Variants in KDM4C observed in about 807,000 individuals in gnomAD.
The protein encoded by KDM4C is lysine-specific demethylase 4C.
Under a neutral mutation model 129.3 loss-of-function variants are expected in KDM4C, and 81 were observed. The ratio of observed to expected loss-of-function variants is 0.63; its 90% CI spans 0.52 to 0.75. KDM4C has a LOEUF of 0.75. KDM4C is among the 30% of genes least tolerant of loss of function. The pLI is 0.00. For missense variants in KDM4C, 1,457 were observed against 1,304.0 expected, an observed-to-expected ratio of 1.12 and a Z score of -1.81; for synonymous variants, 573 against 456.1, an observed-to-expected ratio of 1.26 and a Z score of -3.26.
intron 5 of KDM4C, among the ~76,000 whole-genome samples, chr9:6,859,508 C>G (rs1161553972): frequency 1.5e-5 from 2 of 137,352 alleles, no homozygotes; most frequent in East Asian, 2.3e-4. Context: ...GAAATCGTCT[C>G]TGGTAACACA....
intron 19 of KDM4C, among the ~76,000 whole-genome samples, chr9:7,163,442 C>A (rs1429450696): frequency 6.6e-6 from 1 of 152,054 alleles, no homozygotes; most frequent in Non-Finnish European, 1.5e-5. Flanking sequence ...GTAACTAATC[C>A]TCTTGTAAAA....
At chr9:6,806,230 C>T (rs555858513) in intron 3 of KDM4C, among the ~76,000 whole-genome samples, 8 of 152,252 alleles carry the variant, frequency 5.3e-5, no homozygotes, top group South Asian at 4.1e-4. Flanking sequence ...CATGGTGGCT[C>T]ATGCCTGTAA....
At chr9:6,781,742 A>G (rs1327189787) in intron 1 of KDM4C, among the ~76,000 whole-genome samples, 3 of 152,090 alleles carry the variant, frequency 2.0e-5, no homozygotes, top group Non-Finnish European at 4.4e-5. Flanking sequence ...GGGCAATTCA[A>G]ATTTTTCATT....
At chr9:6,773,542 C>T (rs1006270591) in intron 1 of KDM4C, among the ~76,000 whole-genome samples, 23 of 152,000 alleles carry the variant, frequency 1.5e-4, no homozygotes, top group Non-Finnish European at 3.1e-4. Context: ...GAGGCTGAGA[C>T]GGGCAGATCA....
chr9:7,066,908 A>C, intron 17 of KDM4C, among the ~76,000 whole-genome samples: 1 of 152,336 alleles, frequency 6.6e-6, no homozygotes, highest in South Asian at 2.1e-4. Flanking sequence ...GCAATTCATA[A>C]ATATTTTTTG....
chr9:6,797,092 C>T (rs1466023191), intron 2 of KDM4C, among the ~76,000 whole-genome samples: 4 of 151,820 alleles, frequency 2.6e-5, no homozygotes, highest in African/African-American at 7.3e-5. Flanking sequence ...AAGTAGCCTC[C>T]CAAGTAGCTG....
intron 20 of KDM4C, among the ~76,000 whole-genome samples, chr9:7,167,707 G>A (rs7860846): frequency 0.012 from 1,797 of 152,260 alleles, 39 homozygotes; most frequent in African/African-American, 0.041. Flanking sequence ...TAAGACCGTG[G>A]TGGATGTTCA....
intron 8 of KDM4C, among the ~76,000 whole-genome samples, chr9:6,956,498 T>C (rs1829090707): frequency 6.6e-6 from 1 of 152,218 alleles, no homozygotes; most frequent in Admixed American, 6.5e-5. Flanking sequence ...CTCACCTGTT[T>C]TTCTGAAACT....
In KDM4C at chr9:7,175,143, C is replaced by T. The variant is rs1369229058; in HGVS notation, c.*414C>T. The T allele has an allele frequency of 4.4e-5, 7 of 158,436 alleles. No individual in the cohort carries two copies. Among genetic ancestry groups the T allele is most frequent in the Admixed American group, 1.2e-4 (2 of 16,058 alleles). 9.8% of individuals were successfully genotyped at this position (158,436 alleles called of 1,614,324 possible). ...GCACCTCGGTACCCAGCGGGTAGGGCGATAATTTATATATTTTCCACAGTC... is the reference window on the plus strand; with the variant it reads ...GCACCTCGGTACCCAGCGGGTAGGGTGATAATTTATATATTTTCCACAGTC... On this transcript the variant is annotated 3_prime_UTR_variant, in exon 22 of 22. Coordinates refer to ENST00000381309, the MANE Select transcript of KDM4C (RefSeq NM_015061.6).
chr9:6,995,529 A>C (rs1586786566), intron 12 of KDM4C, among the ~76,000 whole-genome samples: 1 of 152,214 alleles, frequency 6.6e-6, no homozygotes, highest in Non-Finnish European at 1.5e-5. Flanking sequence ...TCAAAGTATC[A>C]TCTTTAGCAC....
chr9:6,801,965 C>T (rs1344769706), intron 2 of KDM4C, among the ~76,000 whole-genome samples: 2 of 151,904 alleles, frequency 1.3e-5, no homozygotes, highest in East Asian at 3.9e-4. Flanking sequence ...ATTATCTGGG[C>T]ATGGTGGCAG....
intron 8 of KDM4C, among the ~76,000 whole-genome samples, chr9:6,966,726 G>GA (rs1420391680): frequency 6.6e-6 from 1 of 151,766 alleles, no homozygotes; most frequent in Admixed American, 6.6e-5. Flanking sequence ...ATCCAGTAGG[G>GA]AAAAAAAGTC....
intron 6 of KDM4C, among the ~76,000 whole-genome samples, chr9:6,886,348 C>T (rs1308854856): frequency 1.1e-4 from 17 of 148,612 alleles, no homozygotes; most frequent in African/African-American, 3.7e-4. Context: ...GAGTCTCTCT[C>T]GTTGCCCAGG....
At chr9:6,747,423 C>T (rs1817918998) in intron 1 of KDM4C, among the ~76,000 whole-genome samples, 1 of 150,910 alleles carries the variant, frequency 6.6e-6, no homozygotes, top group South Asian at 2.1e-4. Flanking sequence ...TGGTGGGCGC[C>T]TGTAGTCCCA....
rs771131153 is a variant in KDM4C at position 7,013,817 on chromosome 9, T to C, written c.1998T>C (p.Ala666=). The change falls in exon 14 of 22, where the codon GCT becomes GCC. Residue 666 remains alanine, a synonymous_variant. Coordinates refer to ENST00000381309, the MANE Select transcript of KDM4C (RefSeq NM_015061.6). The part of the protein sequence containing the change: ...KPDSSNEEND[A]RWETKLDEVV... ...ATAGCAGCAATGAAGAAAATGATGCTAGATGGGAGACAAAATTAGATGAAG... is the reference window on the plus strand; with the variant it reads ...ATAGCAGCAATGAAGAAAATGATGCCAGATGGGAGACAAAATTAGATGAAG... 1 of 1,613,946 alleles carries C rather than the reference T, an allele frequency of 6.2e-7. No individual in the cohort carries two copies. The highest frequency in any genetic ancestry group is 8.5e-7 in the Non-Finnish European group (1 of 1,179,884).
intron 17 of KDM4C, among the ~76,000 whole-genome samples, chr9:7,061,480 G>A (rs1194642464): frequency 4.6e-5 from 7 of 152,222 alleles, no homozygotes; most frequent in African/African-American, 1.7e-4. Flanking sequence ...CTGAGCAGAA[G>A]CCTGGTGCTG....
At chr9:6,790,079 A>T (rs1464687294) in intron 1 of KDM4C, among the ~76,000 whole-genome samples, 1 of 149,148 alleles carries the variant, frequency 6.7e-6, no homozygotes, top group Non-Finnish European at 1.5e-5. Context: ...GTTTGAGATC[A>T]GCCTGGCCAA....
intron 10 of KDM4C, among the ~76,000 whole-genome samples, chr9:6,985,508 A>G (rs2131854266): frequency 6.6e-6 from 1 of 152,376 alleles, no homozygotes; most frequent in East Asian, 1.9e-4. Context: ...TTACCAAGGA[A>G]GGACTTCAAA....
intron 15 of KDM4C, among the ~76,000 whole-genome samples, chr9:7,017,336 T>G (rs573876374): frequency 1.3e-5 from 2 of 152,324 alleles, no homozygotes; most frequent in African/African-American, 4.8e-5. Flanking sequence ...GTACTAGGCA[T>G]TGCTGTGAAT....
Sources: gnomAD v4.1 joint callset for allele counts (sites outside exome capture counted in the v4.1 genomes callset) on GRCh38, gnomAD v4.1.1 for gene constraint, MANE v1.5 for transcripts, NCBI Gene and HGNC (gene_info 2026-07-23, HGNC 2026-07-21) for gene names.